LRRC4C: variants seen among roughly 807,000 people sequenced by gnomAD.
LRRC4C encodes the protein leucine rich repeat containing 4C.
In LRRC4C, 5 loss-of-function variants were observed where a neutral mutation model predicts 33.6. The observed-to-expected ratio is 0.15, with a 90% confidence interval of 0.08 to 0.31. The LOEUF is 0.31. LRRC4C is among the 10% of genes least tolerant of loss of function. The pLI, the probability that LRRC4C is intolerant of heterozygous loss-of-function variation, is 1.00. For synonymous variants in LRRC4C, 329 were observed against 302.0 expected, an observed-to-expected ratio of 1.09 and a Z score of -0.93; for missense variants, 560 against 796.7, an observed-to-expected ratio of 0.70 and a Z score of 3.58.
At chr11:41,396,333 A>C (rs1304459007) in intron 1 of LRRC4C, among the ~76,000 whole-genome samples, 1 of 152,062 alleles carries the variant, frequency 6.6e-6, no homozygotes, top group East Asian at 1.9e-4. Context: ...TGTAGCAAAA[A>C]AATTAAGATA....
At chr11:40,643,107 G>T (rs1050747348) in intron 3 of LRRC4C, among the ~76,000 whole-genome samples, 1 of 152,130 alleles carries the variant, frequency 6.6e-6, no homozygotes, top group African/African-American at 2.4e-5. Context: ...CTGGGTTTTT[G>T]TTTTGGCTCC....
intron 5 of LRRC4C, among the ~76,000 whole-genome samples, chr11:40,201,018 C>T (rs760979754): frequency 2.0e-5 from 3 of 152,022 alleles, no homozygotes; most frequent in Admixed American, 6.6e-5. Context: ...TAAGTTGAAG[C>T]GGAATGTAGT....
intron 3 of LRRC4C, among the ~76,000 whole-genome samples, chr11:40,425,437 T>C (rs1210845508): frequency 6.6e-6 from 1 of 152,200 alleles, no homozygotes. Context: ...TCCTTGCTGT[T>C]AGCCTTACAA....
At chr11:40,835,225 C>T (rs987570113) in intron 2 of LRRC4C, among the ~76,000 whole-genome samples, 6 of 151,920 alleles carry the variant, frequency 3.9e-5, no homozygotes, top group African/African-American at 9.7e-5. Flanking sequence ...TACAGACTGA[C>T]GTTTTTGTAA....
chr11:40,117,845 G>T (rs1472317000), intron 6 of LRRC4C, among the ~76,000 whole-genome samples: 2 of 151,932 alleles, frequency 1.3e-5, no homozygotes, highest in African/African-American at 4.8e-5. Flanking sequence ...AAATGGGAAT[G>T]AAGATATTAA....
At chr11:40,774,284 G>A (rs1316610113) in intron 2 of LRRC4C, among the ~76,000 whole-genome samples, 2 of 152,022 alleles carry the variant, frequency 1.3e-5, no homozygotes, top group African/African-American at 4.8e-5. Context: ...TTGCTACAGG[G>A]TTTTAAAATA....
chr11:40,907,750 G>C (rs531551680), intron 2 of LRRC4C, among the ~76,000 whole-genome samples: 1 of 152,276 alleles, frequency 6.6e-6, no homozygotes, highest in Admixed American at 6.5e-5. Flanking sequence ...TGGCAACAGA[G>C]CTGCAATTTT....
rs553773441 is a variant in LRRC4C, at chr11:41,356,599, A to G, written c.-496+102832T>C. ...GACTTCTAGTGCCATTTTTGGCATGACTTTAATCCTCCATCCTTCAACTTG... is the reference window on the plus strand; with the variant it reads ...GACTTCTAGTGCCATTTTTGGCATGGCTTTAATCCTCCATCCTTCAACTTG... On this transcript the variant is annotated intron_variant, in intron 1 of 6. Transcript: ENST00000528697. 7.2e-5 allele frequency among the ~76,000 whole-genome samples: 11 copies of G among 152,236 alleles called. No individual in the cohort carries two copies. The South Asian group carries it at 2.1e-3, about 29-fold the overall frequency.
At chr11:40,943,550 G>C (rs1043317599) in intron 1 of LRRC4C, among the ~76,000 whole-genome samples, 7 of 152,094 alleles carry the variant, frequency 4.6e-5, no homozygotes, top group Non-Finnish European at 8.8e-5. Flanking sequence ...CAAACTGCCT[G>C]GTTTGCCCCA....
intron 1 of LRRC4C, among the ~76,000 whole-genome samples, chr11:41,088,694 G>A (rs1383327778): frequency 6.6e-6 from 1 of 152,080 alleles, no homozygotes; most frequent in Non-Finnish European, 1.5e-5. Context: ...ACTGGTAATT[G>A]ATTCCTTATT....
intron 3 of LRRC4C, among the ~76,000 whole-genome samples, chr11:40,420,150 G>T (rs555453175): frequency 9.8e-5 from 15 of 152,336 alleles, no homozygotes; most frequent in African/African-American, 3.4e-4. Context: ...AAGGCAAATA[G>T]TTGGTGGTGA....
intron 5 of LRRC4C, among the ~76,000 whole-genome samples, chr11:40,208,576 G>A (rs1432472876): frequency 6.6e-6 from 1 of 151,406 alleles, no homozygotes; most frequent in East Asian, 1.9e-4. Context: ...ACAAGCAGGG[G>A]AAAAAAAAGC....
chr11:40,601,119 C>T lies in LRRC4C; in HGVS notation c.-270+47023G>A, dbSNP rs539008556. ...TCTCTTTCTTGGCATTAACATTCTT[C>T]ACCATCTAGACTTTACTTAAAGTAC... On this transcript the variant is annotated intron_variant, in intron 3 of 6. Coordinates refer to ENST00000528697, the MANE Select transcript of LRRC4C (RefSeq NM_001258419.2). Among the ~76,000 whole-genome samples, 4 of 152,328 alleles carry T rather than the reference C, an allele frequency of 2.6e-5. No individual in the cohort carries two copies. The East Asian group carries it at 7.7e-4, about 29-fold the overall frequency.
intron 2 of LRRC4C, among the ~76,000 whole-genome samples, chr11:40,736,854 G>A (rs1947891104): frequency 1.1e-5 from 1 of 91,730 alleles, no homozygotes; most frequent in Non-Finnish European, 2.2e-5. Flanking sequence ...ACTTTTTGAT[G>A]CGGTTGTTTT....
At chr11:41,082,960 A>G (rs1939690230) in intron 1 of LRRC4C, among the ~76,000 whole-genome samples, 1 of 152,180 alleles carries the variant, frequency 6.6e-6, no homozygotes, top group Admixed American at 6.6e-5. Flanking sequence ...CTGATAAATT[A>G]TATGTTTTTC....
Position 40,517,296 on chromosome 11 carries a change from G to A in LRRC4C, c.-270+130846C>T, listed in dbSNP as rs900519168. ...GCCAAACACAGTGAAACAAAAAGAG[G>A]TTCAATCGATGACTTTTCCAGTGTC... is the stretch of plus-strand genomic sequence containing the variant. On this transcript the variant is annotated intron_variant, in intron 3 of 6. Coordinates refer to ENST00000528697, the MANE Select transcript of LRRC4C (RefSeq NM_001258419.2). Among the ~76,000 whole-genome samples, 4 of 152,250 alleles carry A rather than the reference G, an allele frequency of 2.6e-5. 1 individual carries two copies. The South Asian group carries it at 8.3e-4, about 32-fold the overall frequency.
At chr11:40,499,285 T>G (rs560666902) in intron 3 of LRRC4C, among the ~76,000 whole-genome samples, 17 of 152,256 alleles carry the variant, frequency 1.1e-4, no homozygotes, top group African/African-American at 3.6e-4. Flanking sequence ...CTTGTACAAC[T>G]TCCATATGGC....
At chr11:40,545,399 G>A (rs1473138162) in intron 3 of LRRC4C, among the ~76,000 whole-genome samples, 1 of 151,978 alleles carries the variant, frequency 6.6e-6, no homozygotes, top group African/African-American at 2.4e-5. Flanking sequence ...TTATGAAAGA[G>A]TGGTTTTTTA....
intron 5 of LRRC4C, among the ~76,000 whole-genome samples, chr11:40,230,743 A>G (rs1400974678): frequency 6.6e-6 from 1 of 152,244 alleles, no homozygotes; most frequent in African/African-American, 2.4e-5. Flanking sequence ...GCATGTCATC[A>G]GCAGCATGTA....
Sources: gnomAD v4.1 joint callset for allele counts (sites outside exome capture counted in the v4.1 genomes callset) on GRCh38, gnomAD v4.1.1 for gene constraint, MANE v1.5 for transcripts, NCBI Gene and HGNC (gene_info 2026-07-23, HGNC 2026-07-21) for gene names.